Variants in TLE3 observed in about 807,000 individuals in gnomAD.
TLE3 encodes TLE family member 3, transcriptional corepressor.
In TLE3, 14 loss-of-function variants were observed where a neutral mutation model predicts 93.0. That is an observed-to-expected ratio of 0.15 (90% CI 0.10 to 0.24). The LOEUF (loss-of-function observed/expected upper bound fraction) is 0.24, where lower values mean the gene tolerates loss of function less well. Ranked by LOEUF, TLE3 falls within the 10% of genes least tolerant of loss-of-function variation. TLE3 has a pLI of 1.00. For missense variants in TLE3, 693 were observed against 1,046.6 expected (o/e 0.66, Z 4.66); for synonymous variants, 451 against 425.0 (o/e 1.06, Z -0.75).
intron 7 of TLE3, among the ~76,000 whole-genome samples, chr15:70,065,528 G>A (rs1268863333): frequency 6.6e-6 from 1 of 152,262 alleles, no homozygotes; most frequent in African/African-American, 2.4e-5. Context: ...ATAGATGTAA[G>A]GAAAACACCC....
chr15:70,074,447 G>C, intron 6 of TLE3, 86 bp downstream of exon 6: 1 of 1,500,346 alleles, frequency 6.7e-7, no homozygotes, highest in South Asian at 1.2e-5. Flanking sequence ...GGCCAGCTAA[G>C]GTCAGGGTCA....
In TLE3 at chr15:70,052,873, G is replaced by A. The variant is rs545015122; in HGVS notation, c.1975-349C>T. ...ATTTACTGAATGCTTTCTGTGAGTCGGGTTTATGGCTACGCCTTTTAGAGG... is the reference window on the plus strand; with the variant it reads ...ATTTACTGAATGCTTTCTGTGAGTCAGGTTTATGGCTACGCCTTTTAGAGG... On this transcript the variant is annotated intron_variant, in intron 17 of 19. Coordinates refer to ENST00000451782, the MANE Select transcript of TLE3 (RefSeq NM_001105192.3). The A allele has an allele frequency of 8.5e-5, 26 of 306,108 alleles. No individual in the cohort carries two copies. In the South Asian group the frequency reaches 1.7e-3, roughly 20 times the overall value. 19.0% of individuals were successfully genotyped at this position (306,108 alleles called of 1,614,324 possible).
At chr15:70,091,858 T>G (rs1368618743) in intron 4 of TLE3, among the ~76,000 whole-genome samples, 1 of 152,170 alleles carries the variant, frequency 6.6e-6, no homozygotes, top group African/African-American at 2.4e-5. Flanking sequence ...AAAAAATATG[T>G]GGTGGTGATG....
At chr15:70,088,897 C>T (rs1468039726) in intron 4 of TLE3, among the ~76,000 whole-genome samples, 1 of 151,952 alleles carries the variant, frequency 6.6e-6, no homozygotes, top group Non-Finnish European at 1.5e-5. Context: ...CCCACCCCCA[C>T]CCCGCGGCAG....
At chr15:70,087,446 C>T (rs945208593) in intron 4 of TLE3, among the ~76,000 whole-genome samples, 24 of 152,192 alleles carry the variant, frequency 1.6e-4, no homozygotes, top group African/African-American at 5.1e-4. Context: ...TCTAAGAGGC[C>T]GTAGCATTAT....
At chr15:70,084,097 T>C (rs772744036) in intron 4 of TLE3, among the ~76,000 whole-genome samples, 3 of 152,194 alleles carry the variant, frequency 2.0e-5, no homozygotes, top group Admixed American at 1.3e-4. Flanking sequence ...AGCCACACCA[T>C]TTGATCTCTC....
chr15:70,097,156 C>CGCG lies in TLE3; in HGVS notation c.-361_-359dup. On this transcript the variant is annotated 5_prime_UTR_variant, in exon 1 of 20. Coordinates refer to ENST00000451782, the MANE Select transcript of TLE3 (RefSeq NM_001105192.3). ...ATCGTCGGCTCCCCAGCAGGTCCGG[C>CGCG]GCGGGGTCCCGAGGCCGGGGGCCCC... 1 of 418,526 alleles carries CGCG rather than the reference C, an allele frequency of 2.4e-6. No homozygotes were observed. The highest frequency in any genetic ancestry group is 8.6e-5 in the South Asian group (1 of 11,628). 25.9% of individuals were successfully genotyped at this position (418,526 alleles called of 1,614,324 possible). A position where few individuals can be genotyped will look rare whatever the true frequency, so the allele number is the denominator to read the frequency against.
At chr15:70,054,248 T>C in intron 16 of TLE3, 190 bp downstream of exon 16, 2 of 739,544 alleles carry the variant, frequency 2.7e-6, no homozygotes, top group East Asian at 2.9e-5. Flanking sequence ...CTGGGCCCAA[T>C]GGCCCTCCCT....
At chr15:70,052,307 CTG>C in intron 18 of TLE3, 65 bp downstream of exon 18, 2 of 1,581,214 alleles carry the variant, frequency 1.3e-6, no homozygotes, top group East Asian at 4.5e-5. Flanking sequence ...CTCTTCTGTC[CTG>C]TTGGGCCAGG....
intron 9 of TLE3, 26 bp from the exon 10 acceptor site, chr15:70,059,486 G>A: frequency 6.3e-7 from 1 of 1,596,530 alleles, no homozygotes; most frequent in East Asian, 2.3e-5. Flanking sequence ...AAGCCAACTG[G>A]TCAGTAAGAG....
chr15:70,096,718 T>G (rs1271453807), intron 1 of TLE3, 57 bp downstream of exon 1: 3 of 1,603,308 alleles, frequency 1.9e-6, no homozygotes, highest in Non-Finnish European at 1.7e-6. Context: ...CCAGATAAAC[T>G]GCCTCGTTTA....
intron 3 of TLE3, 172 bp from the exon 4 acceptor site, chr15:70,094,748 G>A (rs2142087548): frequency 1.7e-6 from 1 of 594,888 alleles, no homozygotes; most frequent in Non-Finnish European, 3.0e-6. Context: ...GAGCTGACAA[G>A]GGCGAGCGTT....
intron 10 of TLE3, 147 bp downstream of exon 10, chr15:70,059,262 AC>A: frequency 3.3e-6 from 3 of 901,046 alleles, no homozygotes; most frequent in Non-Finnish European, 4.9e-6. Flanking sequence ...GCTCCTCTTG[AC>A]CCCCTGAGAC....
rs774499769 is a variant in TLE3 at position 70,058,670 on chromosome 15, A to G, written c.911T>C (p.Leu304Pro). Residue 304 changes from leucine to proline, a missense_variant, in exon 11 of 20, where the codon CTT (leucine) becomes CCT (proline). Transcript: ENST00000451782. This position sits in a 1 kb window ranked among gnomAD's most constrained non-coding sequence, Gnocchi z 4.1. ...SSTPSSKTKD[L>P]GHNDKSSTPG... The stretch of plus-strand genomic sequence containing the variant: ...CACCCAGACCCCACATACATGACCA[A>G]GGTCTTTGGTCTTGGAGGAAGGTGT... 12 of 1,598,698 alleles carry G rather than the reference A, an allele frequency of 7.5e-6. No individual in the cohort carries two copies. The highest frequency in any genetic ancestry group is 3.4e-4 in the Middle Eastern group (2 of 5,968).
intron 4 of TLE3, among the ~76,000 whole-genome samples, chr15:70,093,911 C>T (rs1332674958): frequency 6.6e-6 from 1 of 152,216 alleles, no homozygotes; most frequent in African/African-American, 2.4e-5. Flanking sequence ...CACCCAGGAG[C>T]TTCAGCTTCC....
At chr15:70,090,405 T>C (rs1162259201) in intron 4 of TLE3, among the ~76,000 whole-genome samples, 1 of 152,224 alleles carries the variant, frequency 6.6e-6, no homozygotes, top group Non-Finnish European at 1.5e-5. Context: ...TCTAAGGACC[T>C]TTGACCCCTT....
intron 8 of TLE3, 56 bp from the exon 9 acceptor site, chr15:70,060,705 C>T: frequency 6.3e-7 from 1 of 1,597,200 alleles, no homozygotes; most frequent in East Asian, 2.3e-5. Flanking sequence ...TAACAATTCA[C>T]ACATCCGCAC....
At chr15:70,053,129 ACT>A (rs1194739705) in intron 17 of TLE3, 96 bp downstream of exon 17, 1 of 1,454,702 alleles carries the variant, frequency 6.9e-7, no homozygotes, top group African/African-American at 1.4e-5. Context: ...GGCCGTGGCC[ACT>A]CTGTGAGGGT....
At position 70,052,475 on chromosome 15, in the gene TLE3, A is replaced by G; in HGVS notation, c.2024T>C (p.Met675Thr). The change falls in exon 18 of 20, where the codon ATG becomes ACG. Residue 675 changes from methionine to threonine, a missense_variant. Transcript: ENST00000451782. ...CAGCACCTCCACGTTGCTGCTCTCC[A>G]TGCCCACAGCCAGCCACTCCCCAGT... ...CPTGEWLAVG[M>T]ESSNVEVLHH... The G allele has an allele frequency of 6.2e-7, 1 of 1,613,878 alleles. No homozygotes were observed. The highest frequency in any genetic ancestry group is 8.5e-7 in the Non-Finnish European group (1 of 1,179,912).
Sources: gnomAD v4.1 joint callset for allele counts (sites outside exome capture counted in the v4.1 genomes callset) on GRCh38, gnomAD v4.1.1 for gene constraint, Gnocchi (gnomAD v3.1) non-coding constraint, MANE v1.5 for transcripts, NCBI Gene and HGNC (gene_info 2026-07-23, HGNC 2026-07-21) for gene names.